RPH3AL: variants seen among roughly 807,000 people sequenced by gnomAD.
The protein encoded by RPH3AL is rabphilin 3A like (without C2 domains).
Under a neutral mutation model 43.1 loss-of-function variants are expected in RPH3AL, and 38 were observed. The ratio of observed to expected loss-of-function variants is 0.88; its 90% CI spans 0.68 to 1.15. The LOEUF is 1.15. Among genes scored for constraint, RPH3AL ranks in the 50% most tolerant of loss-of-function variants. RPH3AL has a pLI of 0.00. For missense variants in RPH3AL, 462 were observed against 423.2 expected, an observed-to-expected ratio of 1.09 and a Z score of -0.81; for synonymous variants, 189 against 176.3, an observed-to-expected ratio of 1.07 and a Z score of -0.57.
intron 6 of RPH3AL, among the ~76,000 whole-genome samples, chr17:271,906 C>A (rs2042472456): frequency 6.6e-6 from 1 of 152,082 alleles, no homozygotes; most frequent in African/African-American, 2.4e-5. Context: ...AACAAATTTA[C>A]AAGAAAAAAT....
chr17:307,264 CCCACGGCAGGTCCAT>C (rs1276135855), intron 5 of RPH3AL, among the ~76,000 whole-genome samples: 1 of 111,012 alleles, frequency 9.0e-6, no homozygotes, highest in African/African-American at 3.8e-5. Context: ...GCAGGTCCAT[CCCACGGCAGGTCCAT>C]CCCGCGGCAG....
chr17:229,787 T>G (rs1201427192), intron 7 of RPH3AL, among the ~76,000 whole-genome samples: 4 of 152,090 alleles, frequency 2.6e-5, no homozygotes, highest in South Asian at 2.1e-4. Context: ...GGAAACACGC[T>G]CTTCCTTTGG....
At chr17:317,163 T>G (rs75626803) in intron 5 of RPH3AL, among the ~76,000 whole-genome samples, 14,393 of 48,120 alleles carry the variant, frequency 0.3, 1,829 homozygotes, top group African/African-American at 0.5. Flanking sequence ...CCATTGACCT[T>G]TAGTCCCTGT....
At chr17:281,895 C>T in intron 5 of RPH3AL, 41 bp from the exon 6 acceptor site, 1 of 1,494,674 alleles carries the variant, frequency 6.7e-7, no homozygotes, top group Non-Finnish European at 9.3e-7. Flanking sequence ...ATTGCAGCCG[C>T]TTCCTCCTCC....
At chr17:286,916 C>G (rs2042928575) in intron 5 of RPH3AL, among the ~76,000 whole-genome samples, 2 of 142,684 alleles carry the variant, frequency 1.4e-5, no homozygotes, top group African/African-American at 5.3e-5. Context: ...CGCACCCTCT[C>G]TCTCCACCGT....
intron 6 of RPH3AL, among the ~76,000 whole-genome samples, chr17:273,012 C>CTACGTCAGGGTGAGACCCCAGCGCGGGT (rs1567604581): frequency 1.6e-5 from 1 of 62,898 alleles, no homozygotes; most frequent in African/African-American, 6.3e-5. Context: ...CCAGCGAGGG[C>CTACGTCAGGGTGAGACCCCAGCGCGGGT]GACATCAGGA....
At chr17:304,580 C>T (rs148422036) in intron 5 of RPH3AL, among the ~76,000 whole-genome samples, 4 of 152,134 alleles carry the variant, frequency 2.6e-5, no homozygotes, top group African/African-American at 9.7e-5. Flanking sequence ...CCCCTTCTCA[C>T]TCTGAGCAGC....
At chr17:272,957 TACGTCAGGGTGAGACCC>T (rs1567604310) in intron 6 of RPH3AL, among the ~76,000 whole-genome samples, 4 of 26,754 alleles carry the variant, frequency 1.5e-4, no homozygotes, top group Non-Finnish European at 3.7e-4. Context: ...CAGCAAGGGC[TACGTCAGGGTGAGACCC>T]CAGCAAGGGC....
At chr17:269,790 T>G (rs938073633) in intron 6 of RPH3AL, among the ~76,000 whole-genome samples, 2 of 152,218 alleles carry the variant, frequency 1.3e-5, no homozygotes, top group Non-Finnish European at 2.9e-5. Flanking sequence ...TGGAGCACTG[T>G]GCTGAAAGAG....
At chr17:281,415 TG>T (rs2042774799) in intron 6 of RPH3AL, among the ~76,000 whole-genome samples, 1 of 152,068 alleles carries the variant, frequency 6.6e-6, no homozygotes, top group Non-Finnish European at 1.5e-5. Context: ...GCGTTCACCC[TG>T]GGTAGCTACT....
chr17:297,384 G>A (rs1033055071), intron 5 of RPH3AL, among the ~76,000 whole-genome samples: 6 of 152,208 alleles, frequency 3.9e-5, no homozygotes, highest in Admixed American at 1.3e-4. Flanking sequence ...TGGGAACCCC[G>A]ATTCACAGCC....
chr17:279,577 A>G (rs2042731147), intron 6 of RPH3AL, among the ~76,000 whole-genome samples: 1 of 152,156 alleles, frequency 6.6e-6, no homozygotes, highest in Non-Finnish European at 1.5e-5. Flanking sequence ...AGGGTGACTC[A>G]TGAGGGGGAT....
At chr17:320,302 A>G (rs2044431233) in intron 4 of RPH3AL, among the ~76,000 whole-genome samples, 1 of 151,924 alleles carries the variant, frequency 6.6e-6, no homozygotes, top group Admixed American at 6.6e-5. Flanking sequence ...GTGGACTCAC[A>G]GCTGAAGAAT....
chr17:286,675 G>C (rs1254170184), intron 5 of RPH3AL, among the ~76,000 whole-genome samples: 1 of 152,140 alleles, frequency 6.6e-6, no homozygotes, highest in Admixed American at 6.5e-5. Flanking sequence ...TGCAAACACA[G>C]CCCTTCACGA....
At chr17:311,391 C>T (rs1242312119) in intron 5 of RPH3AL, among the ~76,000 whole-genome samples, 20 of 152,166 alleles carry the variant, frequency 1.3e-4, no homozygotes, top group Admixed American at 1.3e-3. Context: ...GTGTGGTCTT[C>T]CCCTCCCCGG....
chr17:331,462 C>T, intron 2 of RPH3AL: 1 of 847,372 alleles, frequency 1.2e-6, no homozygotes, highest in Non-Finnish European at 1.6e-6. Context: ...AATTCAGGCC[C>T]CGGCTCTGGG....
chr17:309,990 G>A (rs530400187), intron 5 of RPH3AL, among the ~76,000 whole-genome samples: 8 of 150,320 alleles, frequency 5.3e-5, no homozygotes, highest in South Asian at 2.2e-4. Flanking sequence ...TCAGGTCATC[G>A]TTTCATAGGC....
At chr17:273,010 G>GGTGACGTCAGGGAGAGACCCCA in intron 6 of RPH3AL, among the ~76,000 whole-genome samples, 2 of 119,708 alleles carry the variant, frequency 1.7e-5, no homozygotes, top group African/African-American at 2.7e-5. Context: ...CCCCAGCGAG[G>GGTGACGTCAGGGAGAGACCCCA]GCGACATCAG....
chr17:320,826 T>A (rs1398825149), intron 4 of RPH3AL, among the ~76,000 whole-genome samples: 2 of 152,250 alleles, frequency 1.3e-5, no homozygotes, highest in African/African-American at 4.8e-5. Flanking sequence ...AAGACTGAGC[T>A]GTGGTCGGCG....
Sources: allele counts gnomAD v4.1 joint callset (sites outside exome capture counted in the v4.1 genomes callset), GRCh38; gene constraint gnomAD v4.1.1; transcripts MANE v1.5; gene names NCBI Gene and HGNC (gene_info 2026-07-23, HGNC 2026-07-21).